Variants in NYAP2 observed in about 807,000 individuals in gnomAD.
NYAP2 encodes neuronal tyrosine-phosphorylated phosphoinositide-3-kinase adaptor 2.
NYAP2 carries 23 observed loss-of-function variants against 50.4 expected under a neutral mutation model. The observed-to-expected ratio is 0.46, with a 90% CI of 0.33 to 0.65. The LOEUF is 0.65. NYAP2 is among the 30% of genes least tolerant of loss of function. The pLI is 0.02. For synonymous variants in NYAP2, 394 were observed against 365.2 expected (o/e 1.08, Z -0.90); for missense variants, 885 against 861.0 (o/e 1.03, Z -0.35).
At chr2:225,638,994 AC>A (rs1310249905) in intron 6 of NYAP2, among the ~76,000 whole-genome samples, 4 of 152,138 alleles carry the variant, frequency 2.6e-5, no homozygotes, top group South Asian at 2.1e-4. Flanking sequence ...GTAACTGGGC[AC>A]TTAAGTTATT....
chr2:225,510,779 T>TTGTGTG (rs146231874), intron 3 of NYAP2, among the ~76,000 whole-genome samples: 32 of 148,492 alleles, frequency 2.2e-4, no homozygotes, highest in Admixed American at 4.7e-4. Context: ...GTTAATGTGT[T>TTGTGTG]TGTGTGTGTG....
rs1295666723 is a variant in NYAP2, at chr2:225,582,587, T to C, written c.1170T>C (p.His390=). The C allele has an allele frequency of 6.3e-7, 1 of 1,598,754 alleles. No individual in the cohort carries two copies. Among genetic ancestry groups the C allele is most frequent in the East Asian group, 2.3e-5 (1 of 43,886 alleles). ...CGCTGCCGTCCCACGTCCCCGGCCA[T>C]GCGAAACTGGAGAAAGAGCAGGCCG... Residue 390 remains histidine (H), a synonymous_variant, in exon 5 of 7, where the codon CAT becomes CAC. Coordinates refer to ENST00000636099, the Ensembl canonical transcript of NYAP2. This position sits in a 1 kb window ranked among gnomAD's most constrained non-coding sequence, Gnocchi z 7.0.
intron 3 of NYAP2, among the ~76,000 whole-genome samples, chr2:225,437,494 C>G (rs1386263622): frequency 6.6e-6 from 1 of 152,182 alleles, no homozygotes; most frequent in Non-Finnish European, 1.5e-5. Context: ...TCCCCACTTT[C>G]AGATCACACT....
chr2:225,608,039 A>G (rs1692818815), intron 5 of NYAP2, among the ~76,000 whole-genome samples: 1 of 152,150 alleles, frequency 6.6e-6, no homozygotes, highest in Admixed American at 6.6e-5. Flanking sequence ...ACATCAGATT[A>G]AGACCAGACA....
the NYAP2 span, among the ~76,000 whole-genome samples, chr2:225,687,369 C>G: frequency 6.6e-6 from 1 of 152,066 alleles, no homozygotes; most frequent in Non-Finnish European, 1.5e-5. Flanking sequence ...TTGTGACAAT[C>G]CTTCTCTCCA....
downstream of NYAP2, among the ~76,000 whole-genome samples, chr2:225,656,471 AC>A (rs1559242898): frequency 6.6e-6 from 1 of 152,090 alleles, no homozygotes; most frequent in Non-Finnish European, 1.5e-5. Context: ...CCTTTGCTTG[AC>A]GACCTTGCAG....
chr2:225,560,417 A>G (rs908724817), intron 4 of NYAP2, among the ~76,000 whole-genome samples: 1 of 152,110 alleles, frequency 6.6e-6, no homozygotes, highest in Non-Finnish European at 1.5e-5. Context: ...AATATGACTG[A>G]ATATTGTCTT....
At chr2:225,584,191 A>T (rs1692351633) in intron 5 of NYAP2, among the ~76,000 whole-genome samples, 1 of 152,248 alleles carries the variant, frequency 6.6e-6, no homozygotes, top group Admixed American at 6.5e-5. Context: ...TTGTATTTTT[A>T]CCATTACTAT....
intron 3 of NYAP2, among the ~76,000 whole-genome samples, chr2:225,474,188 T>C (rs1352346026): frequency 6.6e-5 from 10 of 152,328 alleles, no homozygotes; most frequent in Admixed American, 3.3e-4. Flanking sequence ...TTGGTACCAG[T>C]ACCATGCTGT....
At chr2:225,699,899 G>T in the NYAP2 span, 1 of 151,754 alleles carries the variant, frequency 6.6e-6, no homozygotes. Context: ...AGAAACTATC[G>T]CATATATTTT....
chr2:225,498,571 C>CT (rs35287009), intron 3 of NYAP2, among the ~76,000 whole-genome samples: 71,423 of 146,302 alleles, frequency 0.49, 17,210 homozygotes, highest in East Asian at 0.65. Context: ...TTTTTTAGGA[C>CT]TTTTTTTTTT....
chr2:225,480,944 A>G (rs572175892), intron 3 of NYAP2, among the ~76,000 whole-genome samples: 1 of 152,256 alleles, frequency 6.6e-6, no homozygotes, highest in African/African-American at 2.4e-5. Flanking sequence ...GCTAATTTAC[A>G]ATGTCTTTGA....
chr2:225,577,997 T>C (rs905929550), intron 4 of NYAP2, among the ~76,000 whole-genome samples: 1 of 152,114 alleles, frequency 6.6e-6, no homozygotes, highest in Non-Finnish European at 1.5e-5. Flanking sequence ...AGTGGTGCCA[T>C]CTTGGGTCAC....
chr2:225,526,304 G>A (rs936205776), intron 4 of NYAP2, among the ~76,000 whole-genome samples: 8 of 152,188 alleles, frequency 5.3e-5, no homozygotes, highest in African/African-American at 1.4e-4. Context: ...AAGCAACTTA[G>A]CAAAGCACCT....
intron 4 of NYAP2, among the ~76,000 whole-genome samples, chr2:225,571,848 T>C (rs1692078988): frequency 6.6e-6 from 1 of 152,260 alleles, no homozygotes; most frequent in African/African-American, 2.4e-5. Flanking sequence ...GTTTTTCTTT[T>C]CTGTTGCATT....
At chr2:225,665,807 T>TAAAAAAAAA in the NYAP2 span, among the ~76,000 whole-genome samples, 295 of 20,994 alleles carry the variant, frequency 0.014, 97 homozygotes, top group Middle Eastern at 0.33. Context: ...AGCCTCCGTC[T>TAAAAAAAAA]AAAAAAAAAA....
At chr2:225,594,044 G>T (rs1335715953) in intron 5 of NYAP2, among the ~76,000 whole-genome samples, 2 of 152,228 alleles carry the variant, frequency 1.3e-5, no homozygotes, top group African/African-American at 2.4e-5. Flanking sequence ...TTTAAATTTG[G>T]ACCATTTTGT....
intron 3 of NYAP2, among the ~76,000 whole-genome samples, chr2:225,450,588 T>G (rs536322357): frequency 6.6e-6 from 1 of 152,366 alleles, no homozygotes; most frequent in South Asian, 2.1e-4. Context: ...GTTTTGGCAC[T>G]TCTTAAAAAT....
In NYAP2 at chr2:225,438,640, T is replaced by G. The variant is rs569565456; in HGVS notation, c.221+29539T>G. Among the ~76,000 whole-genome samples the G allele has an allele frequency of 5.3e-5, 8 of 152,362 alleles. No homozygotes were observed. The South Asian group carries it at 1.7e-3, about 32-fold the overall frequency. On this transcript the variant is annotated intron_variant, in intron 3 of 6. Transcript: ENST00000636099. ...AGTATATATCTTTAAAATAGCATCA[T>G]CAGAAGTCCAGAGGTAAAACAAGAA... is the stretch of plus-strand genomic sequence containing the variant.
Sources: gnomAD v4.1 joint callset for allele counts (sites outside exome capture counted in the v4.1 genomes callset) on GRCh38, gnomAD v4.1.1 for gene constraint, Gnocchi (gnomAD v3.1) non-coding constraint, MANE v1.5 for transcripts, NCBI Gene and HGNC (gene_info 2026-07-23, HGNC 2026-07-21) for gene names.